Variants in FBXW8 observed in about 807,000 individuals in gnomAD.
FBXW8 encodes the protein F-box and WD repeat domain containing 8.
A neutral mutation model predicts 65.3 loss-of-function variants in FBXW8; 57 were observed. That is an observed-to-expected ratio of 0.87 (90% confidence interval 0.71 to 1.09). FBXW8 has a LOEUF of 1.09. Ranked by LOEUF, FBXW8 falls within the 50% of genes least tolerant of loss-of-function variation. The pLI, the probability that FBXW8 is intolerant of heterozygous loss-of-function variation, is 0.00. For missense variants in FBXW8, 777 were observed against 814.8 expected (o/e 0.95, Z 0.57); for synonymous variants, 308 against 330.2 (o/e 0.93, Z 0.73).
At position 116,928,133 on chromosome 12, in the gene FBXW8, G is replaced by T. The variant is rs1881475744; in HGVS notation, c.423+6G>T. 1.3e-6 allele frequency: 2 copies of T among 1,555,772 alleles called. No homozygotes were observed. The highest frequency in any genetic ancestry group is 1.8e-6 in the Non-Finnish European group (2 of 1,129,608). On this transcript the variant is annotated splice_donor_region_variant and intron_variant, in intron 2 of 10. Coordinates refer to ENST00000652555, the MANE Select transcript of FBXW8 (RefSeq NM_153348.3). ...AACTAGGAAGATGTGCACAGGTAAG[G>T]TGTCACCAACAGATGTTCCAGATTT... is the stretch of plus-strand genomic sequence containing the variant.
At chr12:117,022,651 G>A (rs1954127394) in intron 8 of FBXW8, among the ~76,000 whole-genome samples, 1 of 151,992 alleles carries the variant, frequency 6.6e-6, no homozygotes, top group Admixed American at 6.6e-5. Flanking sequence ...GTGAGGCCCT[G>A]TCTTTAAAAA....
At chr12:116,920,044 T>G (rs1214293644) in intron 1 of FBXW8, among the ~76,000 whole-genome samples, 3 of 152,256 alleles carry the variant, frequency 2.0e-5, no homozygotes, top group Non-Finnish European at 4.4e-5. Context: ...TTGACTTAAC[T>G]GGAATAACTT....
rs1348479046 is a variant in FBXW8, at chr12:116,910,979, G to T, written c.-59G>T. The T allele has an allele frequency of 1.5e-6, 2 of 1,326,178 alleles. No homozygotes were observed. The highest frequency in any genetic ancestry group is 4.0e-5 in the Admixed American group (1 of 24,932). The allele number at this position is 1,326,178 out of a possible 1,614,324, so 82.2% of individuals were successfully genotyped here. ...CCGCGGCGGACACTTCCCTGGGCGG[G>T]ACTGTCTCGTGGCACCCGGTGGAAC... On this transcript the variant is annotated 5_prime_UTR_variant, in exon 1 of 11. Coordinates refer to ENST00000652555, the MANE Select transcript of FBXW8 (RefSeq NM_153348.3).
intron 2 of FBXW8, among the ~76,000 whole-genome samples, chr12:116,939,433 C>T (rs1488120891): frequency 1.3e-5 from 2 of 152,172 alleles, no homozygotes; most frequent in Admixed American, 6.5e-5. Flanking sequence ...AATTCTGCTT[C>T]GTTTTGTTTA....
At chr12:116,955,120 T>C (rs2137369150) in intron 4 of FBXW8, among the ~76,000 whole-genome samples, 1 of 150,456 alleles carries the variant, frequency 6.6e-6, no homozygotes, top group East Asian at 2.0e-4. Context: ...TTGAGCCAAG[T>C]GTGTAAGAAA....
chr12:116,925,280 G>A (rs1881234243), intron 1 of FBXW8, among the ~76,000 whole-genome samples: 1 of 152,066 alleles, frequency 6.6e-6, no homozygotes, highest in African/African-American at 2.4e-5. Context: ...CAGCTTGTTT[G>A]GCCAAAGGCA....
Position 117,000,096 on chromosome 12 carries a change from C to T in FBXW8, c.1240-10227C>T, listed in dbSNP as rs376942403. Among the ~76,000 whole-genome samples the T allele has an allele frequency of 1.8e-4, 27 of 152,222 alleles. No individual in the cohort carries two copies. In the South Asian group the frequency reaches 5.6e-3, roughly 32 times the overall value. On this transcript the variant is annotated intron_variant, in intron 7 of 10. Transcript: ENST00000652555. ...TCCCGGGTTCTCGCCATTCTCCTGC[C>T]TCAGCCTCCCGAGTAGCTGGGACTA...
intron 1 of FBXW8, among the ~76,000 whole-genome samples, chr12:116,921,594 C>A (rs1444400063): frequency 6.6e-6 from 1 of 152,132 alleles, no homozygotes; most frequent in Admixed American, 6.5e-5. Context: ...TATATACTTG[C>A]TAACAGCACC....
intron 7 of FBXW8, among the ~76,000 whole-genome samples, chr12:116,990,432 T>G (rs978497412): frequency 6.6e-6 from 1 of 152,140 alleles, no homozygotes; most frequent in Non-Finnish European, 1.5e-5. Context: ...TCTCATGCTC[T>G]AAAAAAACTT....
intron 4 of FBXW8, among the ~76,000 whole-genome samples, chr12:116,959,604 A>G (rs1883859762): frequency 6.6e-6 from 1 of 152,212 alleles, no homozygotes; most frequent in African/African-American, 2.4e-5. Context: ...TATGAAGAAG[A>G]AAGGTTGTTT....
chr12:116,938,774 G>A (rs891507588), intron 2 of FBXW8, among the ~76,000 whole-genome samples: 1 of 152,164 alleles, frequency 6.6e-6, no homozygotes, highest in Non-Finnish European at 1.5e-5. Context: ...CCAACAAAAC[G>A]AAGCTTGTAG....
At chr12:117,021,680 CTG>C (rs1238069303) in intron 8 of FBXW8, among the ~76,000 whole-genome samples, 2 of 152,226 alleles carry the variant, frequency 1.3e-5, no homozygotes, top group East Asian at 1.9e-4. Context: ...ATATTTGACT[CTG>C]TGTTACTGAA....
At chr12:117,017,774 G>A (rs1188470499) in intron 8 of FBXW8, among the ~76,000 whole-genome samples, 1 of 152,066 alleles carries the variant, frequency 6.6e-6, no homozygotes, top group African/African-American at 2.4e-5. Flanking sequence ...TGAAACTGCC[G>A]AGCCAGACAC....
Position 116,968,454 on chromosome 12 carries a change from G to A in FBXW8, c.835+3600G>A, listed in dbSNP as rs1884456436. On this transcript the variant is annotated intron_variant, in intron 5 of 10. Coordinates refer to ENST00000652555, the MANE Select transcript of FBXW8 (RefSeq NM_153348.3). The stretch of plus-strand genomic sequence containing the variant: ...TAAATAGCATATCTTAAAAGGGAGT[G>A]CATGTCTGTGTAGAGAGAGTACCCC... Among the ~76,000 whole-genome samples the A allele has an allele frequency of 2.0e-5, 3 of 152,196 alleles. No individual in the cohort carries two copies. The South Asian group carries it at 6.2e-4, about 32-fold the overall frequency.
chr12:117,003,814 C>T (rs1048806074), intron 7 of FBXW8, among the ~76,000 whole-genome samples: 3 of 152,194 alleles, frequency 2.0e-5, no homozygotes, highest in African/African-American at 4.8e-5. Context: ...GTCTGTCATT[C>T]TCTTTTAGGA....
At chr12:116,916,028 A>G (rs372814647) in intron 1 of FBXW8, among the ~76,000 whole-genome samples, 5 of 152,100 alleles carry the variant, frequency 3.3e-5, no homozygotes, top group African/African-American at 1.2e-4. Flanking sequence ...GCACATACTC[A>G]TGTGTCTTTG....
At chr12:117,023,918 T>TA (rs1296458232) in intron 8 of FBXW8, among the ~76,000 whole-genome samples, 1 of 152,262 alleles carries the variant, frequency 6.6e-6, no homozygotes, top group Non-Finnish European at 1.5e-5. Flanking sequence ...GCCACTGTCC[T>TA]TGGCCTGCGT....
chr12:117,021,828 G>A (rs1954107193), intron 8 of FBXW8, among the ~76,000 whole-genome samples: 1 of 152,218 alleles, frequency 6.6e-6, no homozygotes, highest in Non-Finnish European at 1.5e-5. Flanking sequence ...TGGTGCCAGT[G>A]CCTCACTGTT....
At chr12:116,983,198 A>C (rs1348315168) in intron 5 of FBXW8, among the ~76,000 whole-genome samples, 1 of 152,204 alleles carries the variant, frequency 6.6e-6, no homozygotes, top group Non-Finnish European at 1.5e-5. Flanking sequence ...GAGTGTTTGA[A>C]GGAAGCCCAT....
Sources: gnomAD v4.1 joint callset for allele counts (sites outside exome capture counted in the v4.1 genomes callset) on GRCh38, gnomAD v4.1.1 for gene constraint, MANE v1.5 for transcripts, NCBI Gene and HGNC (gene_info 2026-07-23, HGNC 2026-07-21) for gene names.